Variants in CPQ observed in about 807,000 individuals in gnomAD.
CPQ encodes the protein carboxypeptidase Q, also known as Ser-Met dipeptidase.
Under a neutral mutation model 45.7 loss-of-function variants are expected in CPQ, and 37 were observed. The ratio of observed to expected loss-of-function variants is 0.81; its 90% CI spans 0.62 to 1.07. The LOEUF is 1.07. CPQ is among the 50% of genes least tolerant of loss of function. The pLI, the probability that CPQ is intolerant of heterozygous loss-of-function variation, is 0.00. For missense variants in CPQ, 537 were observed against 572.9 expected (o/e 0.94, Z 0.64); for synonymous variants, 186 against 205.8 (o/e 0.90, Z 0.82).
rs747470074 is a variant in CPQ at position 96,905,760 on chromosome 8, CAA to C, written c.849+25777_849+25778del. 2.6e-4 allele frequency among the ~76,000 whole-genome samples: 17 copies of C among 64,866 alleles called. No homozygotes were observed. The East Asian group carries it at 3.8e-3, about 14-fold the overall frequency. 42.6% of individuals were successfully genotyped at this position (64,866 alleles called of 152,430 possible). On this transcript the variant is annotated intron_variant, in intron 4 of 7. Transcript: ENST00000220763. ...AAAATAAATTCAGCCCTGTCTTAAC[CAA>C]AAAAAAAAAAAAAAAAAAAAAGACT...
intron 4 of CPQ, among the ~76,000 whole-genome samples, chr8:96,936,185 G>A (rs1238098605): frequency 6.6e-6 from 1 of 152,134 alleles, no homozygotes; most frequent in Non-Finnish European, 1.5e-5. Flanking sequence ...GGGTACAGTG[G>A]GACCACATTG....
rs115969865 is a variant in CPQ at position 96,661,349 on chromosome 8, C to A, written c.-35+15947C>A. 3.9e-3 allele frequency among the ~76,000 whole-genome samples: 597 copies of A among 152,004 alleles called. 6 individuals are homozygous for A. Among genetic ancestry groups the A allele is most frequent in the African/African-American group, 0.014 (567 of 41,446 alleles). ...AACCCATATAGACATATCATCATCG[C>A]CCAAAGCCCATGGTTTGTATTAGCG... On this transcript the variant is annotated intron_variant, in intron 1 of 7. Transcript: ENST00000220763.
At chr8:96,886,875 C>G (rs910446819) in intron 4 of CPQ, among the ~76,000 whole-genome samples, 5 of 152,186 alleles carry the variant, frequency 3.3e-5, no homozygotes, top group African/African-American at 9.7e-5. Flanking sequence ...TTTCCCTAAG[C>G]ACAAAGAGTT....
At chr8:96,981,013 A>G (rs1440064023) in intron 5 of CPQ, among the ~76,000 whole-genome samples, 2 of 152,232 alleles carry the variant, frequency 1.3e-5, no homozygotes, top group East Asian at 1.9e-4. Context: ...GGAAAAGAAT[A>G]GTAGAAACAG....
At chr8:96,680,735 T>C (rs988871730) in intron 1 of CPQ, among the ~76,000 whole-genome samples, 2 of 152,092 alleles carry the variant, frequency 1.3e-5, no homozygotes, top group South Asian at 2.1e-4. Flanking sequence ...TTTAGAGGGC[T>C]CAGAAGAAGA....
At chr8:96,851,662 C>A (rs558146094) in intron 3 of CPQ, among the ~76,000 whole-genome samples, 2 of 152,280 alleles carry the variant, frequency 1.3e-5, no homozygotes, top group South Asian at 4.2e-4. Context: ...CACTTAATAT[C>A]ATCACATTGG....
chr8:97,091,854 AGATG>A (rs35037040), intron 7 of CPQ, among the ~76,000 whole-genome samples: 151 of 150,680 alleles, frequency 1.0e-3, no homozygotes, highest in Non-Finnish European at 1.4e-3. Context: ...ATGGATGGAT[AGATG>A]GATGGATGGA....
intron 4 of CPQ, among the ~76,000 whole-genome samples, chr8:96,895,391 G>A (rs900648260): frequency 1.3e-5 from 2 of 152,002 alleles, no homozygotes; most frequent in African/African-American, 4.8e-5. Flanking sequence ...AAATCTAGTT[G>A]TTGTTTAACA....
intron 1 of CPQ, among the ~76,000 whole-genome samples, chr8:96,696,899 G>C (rs1809391855): frequency 6.6e-6 from 1 of 152,138 alleles, no homozygotes; most frequent in South Asian, 2.1e-4. Flanking sequence ...ACCAAAGCCT[G>C]GGACTTGATG....
At chr8:97,057,582 T>C (rs983833634) in intron 6 of CPQ, among the ~76,000 whole-genome samples, 2 of 152,210 alleles carry the variant, frequency 1.3e-5, no homozygotes, top group African/African-American at 4.8e-5. Flanking sequence ...TAAGGCTGTG[T>C]CAAAATGTTC....
chr8:96,745,680 T>A (rs1416918156), intron 1 of CPQ, among the ~76,000 whole-genome samples: 2 of 152,248 alleles, frequency 1.3e-5, no homozygotes, highest in Non-Finnish European at 2.9e-5. Flanking sequence ...CTCAATTTTG[T>A]ATGACTCTAA....
chr8:96,743,047 C>T (rs953273553), intron 1 of CPQ, among the ~76,000 whole-genome samples: 1 of 152,144 alleles, frequency 6.6e-6, no homozygotes, highest in Non-Finnish European at 1.5e-5. Flanking sequence ...GGGAAGTTCT[C>T]CTGGATAATA....
chr8:97,029,593 C>A, intron 6 of CPQ, 99 bp downstream of exon 6: 1 of 1,127,366 alleles, frequency 8.9e-7, no homozygotes, highest in Non-Finnish European at 1.3e-6. Flanking sequence ...TTCTGGTCAA[C>A]TGGCCCTAGG....
At chr8:97,140,543 A>G (rs915984601) in intron 7 of CPQ, among the ~76,000 whole-genome samples, 10 of 152,138 alleles carry the variant, frequency 6.6e-5, no homozygotes, top group African/African-American at 2.4e-4. Context: ...ATAAAACTTT[A>G]AAGACATTAA....
At chr8:96,854,825 A>G (rs1373352196) in intron 3 of CPQ, among the ~76,000 whole-genome samples, 2 of 152,192 alleles carry the variant, frequency 1.3e-5, no homozygotes, top group Non-Finnish European at 2.9e-5. Flanking sequence ...TCCTAAAGCT[A>G]GCAGACTGGA....
At chr8:97,047,128 G>A (rs956702155) in intron 6 of CPQ, among the ~76,000 whole-genome samples, 6 of 152,104 alleles carry the variant, frequency 3.9e-5, no homozygotes, top group South Asian at 2.1e-4. Flanking sequence ...TATAAATTAC[G>A]CTTTCGTGGA....
chr8:96,884,176 G>T (rs2130884506), intron 4 of CPQ, among the ~76,000 whole-genome samples: 1 of 152,168 alleles, frequency 6.6e-6, no homozygotes, highest in African/African-American at 2.4e-5. Flanking sequence ...TAACAGCAAA[G>T]TTATAAAACT....
chr8:96,948,715 T>G (rs991800156), intron 4 of CPQ, among the ~76,000 whole-genome samples: 1 of 152,142 alleles, frequency 6.6e-6, no homozygotes, highest in East Asian at 1.9e-4. Flanking sequence ...CGTATTGATG[T>G]CCTCTTCATT....
chr8:96,795,990 TA>T (rs1191772450), intron 2 of CPQ, among the ~76,000 whole-genome samples: 1 of 152,062 alleles, frequency 6.6e-6, no homozygotes, highest in Non-Finnish European at 1.5e-5. Flanking sequence ...AAACATTATA[TA>T]TAATGTACAT....
Sources: allele counts gnomAD v4.1 joint callset (sites outside exome capture counted in the v4.1 genomes callset), GRCh38; gene constraint gnomAD v4.1.1; transcripts MANE v1.5; gene names NCBI Gene and HGNC (gene_info 2026-07-23, HGNC 2026-07-21).